The following SND1 variants were observed in gnomAD, a reference collection of about 807,000 sequenced individuals.
SND1 encodes staphylococcal nuclease domain-containing protein 1.
SND1 carries 38 observed loss-of-function variants against 121.7 expected under a neutral mutation model. The observed-to-expected ratio is 0.31, with a 90% confidence interval of 0.24 to 0.41. The LOEUF (loss-of-function observed/expected upper bound fraction) is 0.41. Ranked by LOEUF, SND1 falls within the 10% of genes least tolerant of loss-of-function variation. SND1 has a pLI of 1.00. For synonymous variants in SND1, 401 were observed against 447.4 expected (o/e 0.90, Z 1.31); for missense variants, 868 against 1,184.6 (o/e 0.73, Z 3.92).
At chr7:128,028,957 C>T in intron 16 of SND1, 1 of 1,608,668 alleles carries the variant, frequency 6.2e-7, no homozygotes, top group Non-Finnish European at 8.5e-7. Context: ...GTCCGGGCGG[C>T]TGTGACTGTA....
intron 16 of SND1, among the ~76,000 whole-genome samples, chr7:128,009,461 A>G (rs531116012): frequency 6.6e-6 from 1 of 152,346 alleles, no homozygotes; most frequent in South Asian, 2.1e-4. Flanking sequence ...ACCAGATTCT[A>G]CCAGTGCTGT....
At chr7:127,876,018 A>G (rs1270516103) in intron 12 of SND1, among the ~76,000 whole-genome samples, 3 of 152,098 alleles carry the variant, frequency 2.0e-5, no homozygotes, top group African/African-American at 7.2e-5. Flanking sequence ...TTTTGTGAAG[A>G]TCAAATGAGT....
At chr7:128,048,714 G>A (rs1314243898) in intron 16 of SND1, among the ~76,000 whole-genome samples, 2 of 152,118 alleles carry the variant, frequency 1.3e-5, no homozygotes, top group Non-Finnish European at 2.9e-5. Flanking sequence ...GGGCGAGACG[G>A]CAGAAAGCTA....
chr7:128,046,497 G>C (rs1307302928), intron 16 of SND1, among the ~76,000 whole-genome samples: 2 of 151,480 alleles, frequency 1.3e-5, no homozygotes, highest in African/African-American at 2.4e-5. Flanking sequence ...CTAAGTAGCT[G>C]GGATTACAGG....
At chr7:127,763,422 T>C (rs981032939) in intron 10 of SND1, among the ~76,000 whole-genome samples, 1 of 152,076 alleles carries the variant, frequency 6.6e-6, no homozygotes, top group South Asian at 2.1e-4. Flanking sequence ...TCACAGCTCA[T>C]TGCAGCCTTG....
intron 9 of SND1, 117 bp downstream of exon 9, chr7:127,707,764 GGA>G (rs1430981029): frequency 1.8e-6 from 1 of 558,170 alleles, no homozygotes; most frequent in Non-Finnish European, 3.1e-6. Context: ...CAAGCCAGTA[GGA>G]GTGTGTGTGT....
At chr7:128,033,875 A>G (rs1358334618) in intron 16 of SND1, among the ~76,000 whole-genome samples, 1 of 152,122 alleles carries the variant, frequency 6.6e-6, no homozygotes, top group Non-Finnish European at 1.5e-5. Flanking sequence ...TGGGATGAGA[A>G]CTCAGGTTTC....
At chr7:128,028,684 T>G in intron 16 of SND1, 1 of 1,602,848 alleles carries the variant, frequency 6.2e-7, no homozygotes. Flanking sequence ...GGGAGTCATA[T>G]TTGAGTTTCC....
chr7:127,884,569 G>A (rs560638064), intron 12 of SND1, among the ~76,000 whole-genome samples: 8 of 151,972 alleles, frequency 5.3e-5, no homozygotes, highest in African/African-American at 9.7e-5. Context: ...AAGCTTTGAC[G>A]AAACTCTTTG....
chr7:127,890,693 A>G (rs1023719900), intron 13 of SND1, among the ~76,000 whole-genome samples: 3 of 152,190 alleles, frequency 2.0e-5, no homozygotes, highest in African/African-American at 7.2e-5. Flanking sequence ...GCTGTTAGAA[A>G]TAGCCATGTT....
chr7:127,929,376 T>G (rs955920506), intron 15 of SND1, 47 bp downstream of exon 15: 10 of 1,596,108 alleles, frequency 6.3e-6, no homozygotes, highest in Non-Finnish European at 8.6e-6. Context: ...AAGTCATCCC[T>G]GGAAACCACA....
intron 15 of SND1, among the ~76,000 whole-genome samples, chr7:127,934,274 G>A (rs1450743922): frequency 4.6e-5 from 7 of 152,150 alleles, no homozygotes; most frequent in Admixed American, 4.6e-4. Flanking sequence ...CAACCACATA[G>A]CCCTTGTTAC....
chr7:127,903,986 A>G (rs1800284247), intron 13 of SND1, among the ~76,000 whole-genome samples: 1 of 152,220 alleles, frequency 6.6e-6, no homozygotes, highest in Admixed American at 6.5e-5. Context: ...GGCCTTATCC[A>G]ACAGTGTACA....
chr7:128,088,634 G>T (rs1425354090), intron 21 of SND1, among the ~76,000 whole-genome samples: 1 of 151,814 alleles, frequency 6.6e-6, no homozygotes, highest in Non-Finnish European at 1.5e-5. Context: ...TGTATTTTCA[G>T]TAGAGACAGG....
chr7:127,885,678 G>T (rs73721024), intron 12 of SND1, among the ~76,000 whole-genome samples: 1 of 152,148 alleles, frequency 6.6e-6, no homozygotes, highest in South Asian at 2.1e-4. Flanking sequence ...CATTAACTGG[G>T]GTGGATCATT....
At chr7:127,795,852 A>ATTTAT (rs1554427422) in intron 10 of SND1, among the ~76,000 whole-genome samples, 1 of 151,550 alleles carries the variant, frequency 6.6e-6, no homozygotes, top group Admixed American at 6.6e-5. Flanking sequence ...TTATTTATTT[A>ATTTAT]TTTATTTTAT....
intron 3 of SND1, 38 bp downstream of exon 3, chr7:127,694,986 A>G: frequency 6.3e-7 from 1 of 1,598,908 alleles, no homozygotes; most frequent in African/African-American, 1.3e-5. Context: ...TCTCAAGTCT[A>G]AAGTTCTGTT....
At chr7:128,069,805 A>G (rs919233902) in intron 16 of SND1, among the ~76,000 whole-genome samples, 2 of 152,240 alleles carry the variant, frequency 1.3e-5, no homozygotes, top group South Asian at 2.1e-4. Flanking sequence ...GTGGCACCCC[A>G]GAATTCATGC....
Position 128,015,431 on chromosome 7 carries a change from TGCTCCCTAAGTATTTATA to T in SND1, c.1779+24377_1779+24394del, listed in dbSNP as rs141597431. ...AAAATGGCCTTAATCCCACCCACTT[TGCTCCCTAAGTATTTATA>T]GGAGCTGAGAGTCAAAAAAGCACAT... On this transcript the variant is annotated intron_variant, in intron 16 of 23. Coordinates refer to ENST00000354725, the MANE Select transcript of SND1 (RefSeq NM_014390.4). The surrounding 1 kb of genome is among the most constrained non-coding windows in gnomAD (Gnocchi z 4.5). 3.8e-3 allele frequency among the ~76,000 whole-genome samples: 572 copies of T among 152,308 alleles called. 5 individuals carry two copies. The highest frequency in any genetic ancestry group is 0.013 in the African/African-American group (544 of 41,566).
Sources: allele counts gnomAD v4.1 joint callset (sites outside exome capture counted in the v4.1 genomes callset), GRCh38; gene constraint gnomAD v4.1.1; non-coding constraint Gnocchi (gnomAD v3.1); transcripts MANE v1.5; gene names NCBI Gene and HGNC (gene_info 2026-07-23, HGNC 2026-07-21).